Variants in GNAL observed in about 807,000 individuals in gnomAD.
GNAL encodes guanine nucleotide-binding protein G(olf) subunit alpha.
In GNAL, 18 loss-of-function variants were observed where a neutral mutation model predicts 55.1. The observed-to-expected ratio is 0.33, with a 90% CI of 0.23 to 0.48. GNAL has a LOEUF of 0.48. GNAL is among the 20% of genes least tolerant of loss of function. The pLI, the probability that GNAL is intolerant of heterozygous loss-of-function variation, is 0.99. For synonymous variants in GNAL, 253 were observed against 237.0 expected, an observed-to-expected ratio of 1.07 and a Z score of -0.62; for missense variants, 412 against 614.1, an observed-to-expected ratio of 0.67 and a Z score of 3.48.
chr18:11,795,100 C>T (rs939684096), intron 4 of GNAL, among the ~76,000 whole-genome samples: 1 of 152,068 alleles, frequency 6.6e-6, no homozygotes, highest in Non-Finnish European at 1.5e-5. Flanking sequence ...ATCTCAACCT[C>T]CCAAAGTGCT....
At chr18:11,776,701 C>T (rs1408744118) in intron 4 of GNAL, among the ~76,000 whole-genome samples, 1 of 137,174 alleles carries the variant, frequency 7.3e-6, no homozygotes, top group Non-Finnish European at 1.5e-5. Flanking sequence ...GAGCCAGATC[C>T]TGCCTCAAAA....
intron 4 of GNAL, among the ~76,000 whole-genome samples, chr18:11,783,940 G>A (rs563309771): frequency 6.6e-6 from 1 of 152,288 alleles, no homozygotes; most frequent in South Asian, 2.1e-4. Flanking sequence ...GTGTTAGTGG[G>A]GAGGAAAGGC....
chr18:11,846,210 G>A (rs914022080), intron 5 of GNAL, among the ~76,000 whole-genome samples: 7 of 151,966 alleles, frequency 4.6e-5, no homozygotes, highest in African/African-American at 1.5e-4. Context: ...TCACTGTGTT[G>A]CTAAATGAGT....
At chr18:11,808,222 C>A (rs879484273) in intron 4 of GNAL, among the ~76,000 whole-genome samples, 1 of 152,096 alleles carries the variant, frequency 6.6e-6, no homozygotes, top group Non-Finnish European at 1.5e-5. Context: ...ACTCACCCTG[C>A]ACTCCAAGCT....
At chr18:11,754,268 T>A (rs977927514) in intron 4 of GNAL, among the ~76,000 whole-genome samples, 1 of 151,840 alleles carries the variant, frequency 6.6e-6, no homozygotes, top group African/African-American at 2.4e-5. Flanking sequence ...TACAAAAAAA[T>A]TAGCTGGGCA....
chr18:11,700,261 T>TATGATGAATTGAAA (rs1218564281), intron 1 of GNAL, among the ~76,000 whole-genome samples: 1 of 152,230 alleles, frequency 6.6e-6, no homozygotes, highest in Non-Finnish European at 1.5e-5. Context: ...TTGAAAGCTG[T>TATGATGAATTGAAA]GGTTTATGAA....
At chr18:11,699,048 T>A (rs542226811) in intron 1 of GNAL, among the ~76,000 whole-genome samples, 98 of 152,282 alleles carry the variant, frequency 6.4e-4, no homozygotes, top group African/African-American at 2.3e-3. Context: ...CCAAAATCAC[T>A]TCATGATATT....
Position 11,836,747 on chromosome 18 carries a change from A to G in GNAL, c.722+11732A>G, listed in dbSNP as rs969266549. On this transcript the variant is annotated intron_variant, in intron 5 of 11. Coordinates refer to ENST00000334049, the MANE Select transcript of GNAL (RefSeq NM_182978.4). ...CCTAAAGATTATGAGAGACTACTTT[A>G]GATTAAAAGTTCACCAAGCATTCTG... Among the ~76,000 whole-genome samples, 13 of 150,686 alleles carry G rather than the reference A, an allele frequency of 8.6e-5. No homozygotes were observed. The South Asian group carries it at 2.8e-3, about 32-fold the overall frequency.
chr18:11,845,590 C>T (rs2035714041), intron 5 of GNAL, among the ~76,000 whole-genome samples: 1 of 151,666 alleles, frequency 6.6e-6, no homozygotes, highest in Non-Finnish European at 1.5e-5. Flanking sequence ...TTTGTAGGAA[C>T]CTGACCAAAG....
At chr18:11,693,037 G>T (rs915855547) in intron 1 of GNAL, among the ~76,000 whole-genome samples, 1 of 148,364 alleles carries the variant, frequency 6.7e-6, no homozygotes, top group South Asian at 2.1e-4. Context: ...TTTTTTAAAG[G>T]GGGGAGAGTT....
At chr18:11,783,223 C>G (rs377590631) in intron 4 of GNAL, among the ~76,000 whole-genome samples, 3 of 152,182 alleles carry the variant, frequency 2.0e-5, no homozygotes, top group Non-Finnish European at 2.9e-5. Context: ...CAAGGCTGCT[C>G]CCTAGAACCA....
At chr18:11,823,309 T>C (rs1452955313) in intron 4 of GNAL, among the ~76,000 whole-genome samples, 1 of 152,200 alleles carries the variant, frequency 6.6e-6, no homozygotes, top group African/African-American at 2.4e-5. Context: ...AACTGAGAGC[T>C]TTAGCCACCC....
At position 11,776,611 on chromosome 18, in the gene GNAL, G is replaced by A. The variant is rs552238636; in HGVS notation, c.624+22666G>A. 4.4e-4 allele frequency among the ~76,000 whole-genome samples: 67 copies of A among 151,714 alleles called. 1 individual carries two copies. The highest frequency in any genetic ancestry group is 3.1e-3 in the Admixed American group (47 of 15,224). On this transcript the variant is annotated intron_variant, in intron 4 of 11. Coordinates refer to ENST00000334049, the MANE Select transcript of GNAL (RefSeq NM_182978.4). ...GAGTCCCAGCTACCTGGGAGGCTGA[G>A]GTGGGAGGATTGCTTGAGCCCAGGA...
At position 11,796,360 on chromosome 18, in the gene GNAL, G is replaced by A. The variant is rs181703139; in HGVS notation, c.625-28558G>A. Among the ~76,000 whole-genome samples, 770 of 151,320 alleles carry A rather than the reference G, an allele frequency of 5.1e-3. 4 individuals carry two copies. Among genetic ancestry groups the A allele is most frequent in the African/African-American group, 0.018 (725 of 40,942 alleles). On this transcript the variant is annotated intron_variant, in intron 4 of 11. Transcript: ENST00000334049. ...TGGGAGGCTGAGGCGGGCGGATCAC[G>A]AGGTCGGGAGATCGGGACCATCCTG... is the stretch of plus-strand genomic sequence containing the variant.
intron 1 of GNAL, among the ~76,000 whole-genome samples, chr18:11,706,080 G>A (rs948019571): frequency 1.4e-4 from 21 of 151,874 alleles, no homozygotes; most frequent in African/African-American, 3.9e-4. Context: ...TTTTTAATCC[G>A]GATATTTGCT....
chr18:11,832,712 G>C (rs757870728), intron 5 of GNAL, among the ~76,000 whole-genome samples: 10 of 151,890 alleles, frequency 6.6e-5, no homozygotes, highest in Non-Finnish European at 1.5e-4. Context: ...GCAGAAATTA[G>C]CCGGGCATGG....
chr18:11,852,257 A>G (rs1192440058), intron 5 of GNAL: 4 of 933,558 alleles, frequency 4.3e-6, no homozygotes, highest in East Asian at 2.7e-5. Flanking sequence ...CCCCCTCCAC[A>G]TAAATTAAGA....
chr18:11,788,908 A>ATATATAT (rs372490535), intron 4 of GNAL, among the ~76,000 whole-genome samples: 1,371 of 72,510 alleles, frequency 0.019, 18 homozygotes, highest in Middle Eastern at 0.028. Flanking sequence ...AAAAAAAAAA[A>ATATATAT]AAAAAAATAT....
Position 11,885,386 on chromosome 18 carries a change from T to A in GNAL, c.*4251T>A. ...ATAAATGGTTGTTTCTTTAGAAAAT[T>A]AAACACACACAGAGTGTAAGAGGAG... On this transcript the variant is annotated 3_prime_UTR_variant, in exon 12 of 12. Transcript: ENST00000334049. The A allele has an allele frequency of 2.6e-6, 1 of 381,528 alleles. No individual in the cohort carries two copies. Among genetic ancestry groups the A allele is most frequent in the East Asian group, 5.3e-5 (1 of 18,998 alleles). 23.6% of individuals were successfully genotyped at this position (381,528 alleles called of 1,614,324 possible). A position where few individuals can be genotyped will look rare whatever the true frequency, so the allele number is the denominator to read the frequency against.
Sources: gnomAD v4.1 joint callset for allele counts (sites outside exome capture counted in the v4.1 genomes callset) on GRCh38, gnomAD v4.1.1 for gene constraint, MANE v1.5 for transcripts, NCBI Gene and HGNC (gene_info 2026-07-23, HGNC 2026-07-21) for gene names.